Variants in SUGCT observed in about 807,000 individuals in gnomAD.
SUGCT encodes succinyl-CoA:glutarate-CoA transferase.
SUGCT carries 41 observed loss-of-function variants against 55.0 expected under a neutral mutation model. The ratio of observed to expected loss-of-function variants is 0.74; its 90% CI spans 0.58 to 0.97. The LOEUF (loss-of-function observed/expected upper bound fraction) is 0.97, where lower values mean the gene tolerates loss of function less well. Ranked by LOEUF, SUGCT falls within the 50% of genes least tolerant of loss-of-function variation. The pLI is 0.00. For missense variants in SUGCT, 568 were observed against 547.8 expected, an observed-to-expected ratio of 1.04 and a Z score of -0.37; for synonymous variants, 187 against 200.4, an observed-to-expected ratio of 0.93 and a Z score of 0.56.
rs568268899 is a variant in SUGCT, at chr7:40,221,138, G to C, written c.485-16497G>C. Among the ~76,000 whole-genome samples, 42 of 152,124 alleles carry C rather than the reference G, an allele frequency of 2.8e-4. No homozygotes were observed. The South Asian group carries it at 7.7e-3, about 28-fold the overall frequency. ...ATACACTTTTAAATTATTATTATCA[G>C]AAATCTAATTATAGCCTGTAATCCC... On this transcript the variant is annotated intron_variant, in intron 6 of 13. Transcript: ENST00000335693.
At chr7:40,565,012 A>T (rs1248377913) in intron 12 of SUGCT, among the ~76,000 whole-genome samples, 1 of 152,220 alleles carries the variant, frequency 6.6e-6, no homozygotes, top group Non-Finnish European at 1.5e-5. Context: ...AGGACTGATA[A>T]CCACATCCTT....
chr7:40,661,433 C>T (rs987971135), intron 12 of SUGCT, among the ~76,000 whole-genome samples: 1 of 152,200 alleles, frequency 6.6e-6, no homozygotes, highest in African/African-American at 2.4e-5. Context: ...AATAAACATA[C>T]TGTAATATAA....
chr7:40,571,068 AG>A (rs896555488), intron 12 of SUGCT, among the ~76,000 whole-genome samples: 4 of 151,908 alleles, frequency 2.6e-5, no homozygotes, highest in Admixed American at 2.6e-4. Flanking sequence ...TCTGGGCCTC[AG>A]TTTCCTTATC....
intron 12 of SUGCT, among the ~76,000 whole-genome samples, chr7:40,735,949 A>ACCG (rs1359917254): frequency 6.6e-6 from 1 of 151,936 alleles, no homozygotes; most frequent in Admixed American, 6.6e-5. Flanking sequence ...GGTGCCCTTA[A>ACCG]GCACTTAGAA....
intron 9 of SUGCT, among the ~76,000 whole-genome samples, chr7:40,423,040 C>T (rs1440966324): frequency 6.6e-6 from 1 of 152,038 alleles, no homozygotes; most frequent in Non-Finnish European, 1.5e-5. Flanking sequence ...ATTTTATTAT[C>T]AGTTTCAAAA....
At chr7:40,164,175 G>GCCT (rs1784313601) in intron 1 of SUGCT, among the ~76,000 whole-genome samples, 1 of 150,548 alleles carries the variant, frequency 6.6e-6, no homozygotes, top group East Asian at 2.0e-4. Context: ...GCAGACTGGA[G>GCCT]TGCAGTGGCG....
chr7:40,143,838 C>T (rs939282577), intron 1 of SUGCT, among the ~76,000 whole-genome samples: 1 of 152,106 alleles, frequency 6.6e-6, no homozygotes, highest in Non-Finnish European at 1.5e-5. Flanking sequence ...ACCTCAGCCC[C>T]CATACCATAA....
intron 1 of SUGCT, 72 bp from the exon 2 acceptor site, chr7:40,180,875 T>G (rs1478613682): frequency 2.1e-5 from 24 of 1,133,652 alleles, no homozygotes; most frequent in Non-Finnish European, 2.9e-5. Flanking sequence ...GTCTCAAGCT[T>G]ATAATGGTGT....
chr7:40,136,147 G>A (rs1787682076), intron 1 of SUGCT, among the ~76,000 whole-genome samples: 1 of 151,694 alleles, frequency 6.6e-6, no homozygotes, highest in Non-Finnish European at 1.5e-5. Context: ...ACAGGCATGT[G>A]CCACATGCCC....
At chr7:40,283,518 C>T (rs1184956155) in intron 8 of SUGCT, among the ~76,000 whole-genome samples, 3 of 152,114 alleles carry the variant, frequency 2.0e-5, no homozygotes, top group East Asian at 1.9e-4. Context: ...CATGAGCCAC[C>T]GCGCCTGGCC....
intron 12 of SUGCT, among the ~76,000 whole-genome samples, chr7:40,721,342 A>G (rs993488626): frequency 2.6e-5 from 4 of 152,052 alleles, no homozygotes; most frequent in Admixed American, 2.0e-4. Context: ...ATTTTTTTTC[A>G]TCTCCTGAGA....
At chr7:40,979,303 A>G in the SUGCT span, 1 of 152,274 alleles carries the variant, frequency 6.6e-6, no homozygotes, top group Non-Finnish European at 1.5e-5. Context: ...TGTGGGCCCA[A>G]ACTACCTGTG....
chr7:40,837,920 G>C (rs1218958665), intron 13 of SUGCT, among the ~76,000 whole-genome samples: 1 of 152,098 alleles, frequency 6.6e-6, no homozygotes, highest in African/African-American at 2.4e-5. Context: ...GGCCTATTTT[G>C]AGTTAATTTT....
chr7:40,136,539 A>G (rs1436420325), intron 1 of SUGCT, among the ~76,000 whole-genome samples: 2 of 152,138 alleles, frequency 1.3e-5, no homozygotes, highest in South Asian at 2.1e-4. Context: ...AATTCACTAC[A>G]TTTCGTTTCT....
chr7:40,956,306 C>G, the SUGCT span, among the ~76,000 whole-genome samples: 1 of 152,030 alleles, frequency 6.6e-6, no homozygotes, highest in East Asian at 1.9e-4. Context: ...AATTTCAGAA[C>G]TTGTTATTGG....
chr7:40,759,436 T>C (rs1361738734), intron 13 of SUGCT, among the ~76,000 whole-genome samples: 2 of 152,324 alleles, frequency 1.3e-5, no homozygotes, highest in Admixed American at 1.3e-4. Context: ...ACCATTTGTT[T>C]CTTCTCTGGG....
Position 40,218,900 on chromosome 7 carries a change from A to C in SUGCT, c.485-18735A>C, listed in dbSNP as rs530994229. On this transcript the variant is annotated intron_variant, in intron 6 of 13. Transcript: ENST00000335693. ...CATGTGGGTGGGGCCAAATAAGGGA[A>C]TAAAAGCTGGCCACCCGAGCCAGTG... Among the ~76,000 whole-genome samples the C allele has an allele frequency of 9.2e-5, 14 of 152,336 alleles. No homozygotes were observed. In the East Asian group the frequency reaches 2.5e-3, roughly 27 times the overall value.
At chr7:40,930,314 G>C in the SUGCT span, among the ~76,000 whole-genome samples, 1 of 152,100 alleles carries the variant, frequency 6.6e-6, no homozygotes, top group Non-Finnish European at 1.5e-5. Flanking sequence ...TGCTGTTTTG[G>C]TTACTGTAGC....
Position 40,830,773 on chromosome 7 carries a change from T to C in SUGCT, c.1154-29543T>C, listed in dbSNP as rs566877714. 1.1e-4 allele frequency among the ~76,000 whole-genome samples: 17 copies of C among 152,314 alleles called. No homozygotes were observed. The South Asian group carries it at 2.7e-3, about 24-fold the overall frequency. On this transcript the variant is annotated intron_variant, in intron 13 of 13. Transcript: ENST00000335693. ...GTTGATTCATTGCTACCAGCAAAAG[T>C]CCTCAGAGGACAGCACAGAAGACAG...
Sources: allele counts gnomAD v4.1 joint callset (sites outside exome capture counted in the v4.1 genomes callset), GRCh38; gene constraint gnomAD v4.1.1; transcripts MANE v1.5; gene names NCBI Gene and HGNC (gene_info 2026-07-23, HGNC 2026-07-21).